TNFAIP8: variants seen among roughly 807,000 people sequenced by gnomAD.
TNFAIP8 encodes the protein TNF alpha induced protein 8.
A neutral mutation model predicts 13.3 loss-of-function variants in TNFAIP8; 7 were observed. The ratio of observed to expected loss-of-function variants is 0.52; its 90% CI spans 0.30 to 0.99. TNFAIP8 has a LOEUF of 0.99. Ranked by LOEUF, TNFAIP8 falls within the 50% of genes least tolerant of loss-of-function variation. TNFAIP8 has a pLI of 0.07. For synonymous variants in TNFAIP8, 94 were observed against 87.6 expected (o/e 1.07, Z -0.41); for missense variants, 258 against 236.9 (o/e 1.09, Z -0.58).
At chr5:119,348,921 C>G (rs1213377682) in intron 1 of TNFAIP8, among the ~76,000 whole-genome samples, 3 of 146,172 alleles carry the variant, frequency 2.1e-5, no homozygotes, top group African/African-American at 5.0e-5. Context: ...TAGACAACAT[C>G]TAAGGTTTCT....
intron 1 of TNFAIP8, among the ~76,000 whole-genome samples, chr5:119,326,116 A>C (rs1021165588): frequency 6.6e-6 from 1 of 152,178 alleles, no homozygotes; most frequent in Non-Finnish European, 1.5e-5. Flanking sequence ...AATGCCTACC[A>C]TTCAGTAGGT....
At chr5:119,362,160 C>T (rs1221965163) in intron 1 of TNFAIP8, among the ~76,000 whole-genome samples, 1 of 152,176 alleles carries the variant, frequency 6.6e-6, no homozygotes, top group Non-Finnish European at 1.5e-5. Context: ...ACAGAAGTGA[C>T]TTCAAAGAGG....
chr5:119,374,439 G>C (rs1444016914), intron 1 of TNFAIP8, among the ~76,000 whole-genome samples: 1 of 152,198 alleles, frequency 6.6e-6, no homozygotes, highest in East Asian at 1.9e-4. Context: ...CATAGATACA[G>C]CATGACTTTT....
At chr5:119,306,769 T>G (rs1186601401) in intron 1 of TNFAIP8, 1 of 152,180 alleles carries the variant, frequency 6.6e-6, no homozygotes, top group Non-Finnish European at 1.5e-5. Context: ...TGGTTTATAC[T>G]TGGTTGGTTG....
upstream of TNFAIP8, chr5:119,355,426 G>A (rs73237297): frequency 2.5e-3 from 1,775 of 699,134 alleles, 28 homozygotes; most frequent in African/African-American, 0.028. Flanking sequence ...TTCTTCAAAA[G>A]GCCCCGCTCT....
chr5:119,321,588 A>G lies in TNFAIP8; in HGVS notation c.1+52681A>G, dbSNP rs2112689484. 1.3e-5 allele frequency among the ~76,000 whole-genome samples: 2 copies of G among 152,206 alleles called. 1 individual carries two copies. The highest frequency in any genetic ancestry group is 6.8e-3 in the Middle Eastern group (2 of 294). ...GCAGCTCTCAGGCCACAAGCCCAGG[A>G]GGCATCCTGATTCCTCTGTTCACTC... is the stretch of plus-strand genomic sequence containing the variant. On this transcript the variant is annotated intron_variant, in intron 1 of 1. Transcript: ENST00000274456.
intron 1 of TNFAIP8, among the ~76,000 whole-genome samples, chr5:119,346,016 C>T (rs778450325): frequency 6.6e-6 from 1 of 152,078 alleles, no homozygotes; most frequent in Non-Finnish European, 1.5e-5. Context: ...AGCCCCTACC[C>T]GTGGGCCGTG....
chr5:119,359,625 A>G (rs1008120948), intron 1 of TNFAIP8, among the ~76,000 whole-genome samples: 5 of 152,120 alleles, frequency 3.3e-5, no homozygotes, highest in African/African-American at 1.2e-4. Flanking sequence ...AATCCCAATG[A>G]TATTTTATAA....
chr5:119,393,598 C>G lies in TNFAIP8; in HGVS notation c.*217C>G, dbSNP rs993677535. 17 of 531,914 alleles carry G rather than the reference C, an allele frequency of 3.2e-5. No individual in the cohort carries two copies. Among genetic ancestry groups the G allele is most frequent in the Middle Eastern group, 5.2e-4 (1 of 1,938 alleles). 32.9% of individuals were successfully genotyped at this position (531,914 alleles called of 1,614,324 possible). On this transcript the variant is annotated 3_prime_UTR_variant, in exon 2 of 2. Coordinates refer to ENST00000504771, the MANE Select transcript of TNFAIP8 (RefSeq NM_014350.4). Reference sequence around the variant, plus strand: ...TGGTTAAAAGCTTCCTAACGGGTAACAGACCATGGGAGAGATATGTGGTTG... The same window carrying G: ...TGGTTAAAAGCTTCCTAACGGGTAAGAGACCATGGGAGAGATATGTGGTTG...
At chr5:119,344,810 GC>G (rs1240461675) in intron 1 of TNFAIP8, among the ~76,000 whole-genome samples, 2 of 152,178 alleles carry the variant, frequency 1.3e-5, no homozygotes, top group African/African-American at 4.8e-5. Context: ...AAGGTTTGTA[GC>G]CCCCAGTGCC....
chr5:119,312,343 C>T (rs957321058), intron 1 of TNFAIP8, among the ~76,000 whole-genome samples: 1 of 152,112 alleles, frequency 6.6e-6, no homozygotes, highest in African/African-American at 2.4e-5. Flanking sequence ...AAGCACTGAC[C>T]TCATATCACG....
intron 1 of TNFAIP8, among the ~76,000 whole-genome samples, chr5:119,350,998 CTGTGTGTGTGTG>C (rs70982476): frequency 1.0e-4 from 14 of 137,862 alleles, no homozygotes; most frequent in African/African-American, 2.5e-4. Context: ...GGGTCTCACT[CTGTGTGTGTGTG>C]TGTGTGTGTG....
At chr5:119,392,753 G>T in intron 1 of TNFAIP8, 63 bp from the exon 2 acceptor site, 1 of 1,458,336 alleles carries the variant, frequency 6.9e-7, no homozygotes, top group East Asian at 2.5e-5. Context: ...CCTGTTTTTA[G>T]TTCGCTTCAC....
intron 1 of TNFAIP8, among the ~76,000 whole-genome samples, chr5:119,359,036 A>T (rs1021523071): frequency 6.6e-6 from 1 of 152,174 alleles, no homozygotes; most frequent in Non-Finnish European, 1.5e-5. Flanking sequence ...AACAGTAGCC[A>T]TTAGATAACT....
chr5:119,378,317 G>GT (rs1178465309), intron 1 of TNFAIP8, among the ~76,000 whole-genome samples: 112 of 151,630 alleles, frequency 7.4e-4, no homozygotes, highest in African/African-American at 2.5e-3. Context: ...AGAACTCTGG[G>GT]TTTTTTTTTC....
chr5:119,319,572 G>C (rs1749994582), intron 1 of TNFAIP8, among the ~76,000 whole-genome samples: 2 of 152,130 alleles, frequency 1.3e-5, no homozygotes, highest in African/African-American at 4.8e-5. Flanking sequence ...GCTAGAATTG[G>C]GGAACAAGAT....
chr5:119,361,388 G>C (rs1011524565), intron 1 of TNFAIP8, among the ~76,000 whole-genome samples: 6 of 152,190 alleles, frequency 3.9e-5, no homozygotes, highest in African/African-American at 1.4e-4. Context: ...GTGCTGCCCT[G>C]GGAATCTGTA....
In TNFAIP8 at chr5:119,398,924, G is replaced by C. The variant is rs527833175; in HGVS notation, c.*5543G>C. 6.6e-6 allele frequency: 1 copy of C among 152,300 alleles called. No individual in the cohort carries two copies. The highest frequency in any genetic ancestry group is 2.4e-5 in the African/African-American group (1 of 41,562). The allele number at this position is 152,300 out of a possible 1,614,324, so 9.4% of individuals were successfully genotyped here. A position where few individuals can be genotyped will look rare whatever the true frequency, so the allele number is the denominator to read the frequency against. ...TTTAAATGATTTGTCAGCATCTTTT[G>C]CTGCTCTCTTCTAAGACCATTGGTT... On this transcript the variant is annotated 3_prime_UTR_variant, in exon 2 of 2. Coordinates refer to ENST00000504771, the MANE Select transcript of TNFAIP8 (RefSeq NM_014350.4).
At chr5:119,285,611 A>G (rs1748756153) in intron 1 of TNFAIP8, among the ~76,000 whole-genome samples, 1 of 152,224 alleles carries the variant, frequency 6.6e-6, no homozygotes. Flanking sequence ...TGTTAACTAT[A>G]CTAACATACA....
Sources: gnomAD v4.1 joint callset for allele counts (sites outside exome capture counted in the v4.1 genomes callset) on GRCh38, gnomAD v4.1.1 for gene constraint, MANE v1.5 for transcripts, NCBI Gene and HGNC (gene_info 2026-07-23, HGNC 2026-07-21) for gene names.